The following LRRC4C variants were observed in gnomAD, a reference collection of about 807,000 sequenced individuals.
LRRC4C encodes leucine rich repeat containing 4C, also known as leucine-rich repeat-containing protein 4C.
A neutral mutation model predicts 33.6 loss-of-function variants in LRRC4C; 5 were observed. That is an observed-to-expected ratio of 0.15 (90% confidence interval 0.08 to 0.31). LRRC4C has a LOEUF of 0.31. LRRC4C is among the 10% of genes least tolerant of loss of function. The pLI is 1.00. For synonymous variants in LRRC4C, 329 were observed against 302.0 expected (o/e 1.09, Z -0.93); for missense variants, 560 against 796.7 (o/e 0.70, Z 3.58).
intron 3 of LRRC4C, among the ~76,000 whole-genome samples, chr11:40,530,487 A>T (rs528772358): frequency 6.6e-6 from 1 of 152,206 alleles, no homozygotes; most frequent in South Asian, 2.1e-4. Flanking sequence ...GCTGTATCTC[A>T]CAAGGCTAAA....
At chr11:41,355,285 A>T (rs970006987) in intron 1 of LRRC4C, among the ~76,000 whole-genome samples, 26 of 152,114 alleles carry the variant, frequency 1.7e-4, no homozygotes, top group African/African-American at 6.3e-4. Context: ...AGGGGAAAGA[A>T]AACAACTACA....
chr11:40,841,844 G>A (rs1290431794), intron 2 of LRRC4C, among the ~76,000 whole-genome samples: 1 of 152,162 alleles, frequency 6.6e-6, no homozygotes, highest in Non-Finnish European at 1.5e-5. Flanking sequence ...ACACTGATTT[G>A]GCCATGTTAG....
At chr11:40,991,754 G>T (rs61887580) in intron 1 of LRRC4C, among the ~76,000 whole-genome samples, 4,177 of 152,200 alleles carry the variant, frequency 0.027, 55 homozygotes, top group Middle Eastern at 0.044. Context: ...GATAGGGTTT[G>T]TGCTCCTTTG....
intron 1 of LRRC4C, among the ~76,000 whole-genome samples, chr11:41,403,681 G>A (rs901375743): frequency 7.2e-5 from 11 of 152,026 alleles, no homozygotes; most frequent in African/African-American, 1.4e-4. Flanking sequence ...CTGTTGCCAG[G>A]ACATATTATT....
intron 1 of LRRC4C, among the ~76,000 whole-genome samples, chr11:41,212,683 G>A (rs576891124): frequency 6.6e-6 from 1 of 152,306 alleles, no homozygotes; most frequent in African/African-American, 2.4e-5. Flanking sequence ...TGTCCCTGCA[G>A]TACTTTGCTG....
At chr11:40,670,798 C>G (rs187647368) in intron 2 of LRRC4C, among the ~76,000 whole-genome samples, 89 of 152,302 alleles carry the variant, frequency 5.8e-4, no homozygotes, top group Admixed American at 1.4e-3. Flanking sequence ...GAGCATCGCT[C>G]TGTCGCCCAG....
chr11:41,286,749 G>A (rs1238512012), intron 1 of LRRC4C, among the ~76,000 whole-genome samples: 2 of 151,700 alleles, frequency 1.3e-5, no homozygotes, highest in Non-Finnish European at 2.9e-5. Context: ...CTATTAACAG[G>A]CTAATAATTA....
At chr11:40,643,339 C>T (rs772183154) in intron 3 of LRRC4C, among the ~76,000 whole-genome samples, 11 of 152,106 alleles carry the variant, frequency 7.2e-5, no homozygotes, top group Non-Finnish European at 1.6e-4. Flanking sequence ...GCCATCAATG[C>T]CCTAATGAAT....
At chr11:40,287,258 G>C (rs1047606965) in intron 4 of LRRC4C, among the ~76,000 whole-genome samples, 27 of 25,834 alleles carry the variant, frequency 1.0e-3, no homozygotes, top group Admixed American at 3.1e-4. Flanking sequence ...GTCACTGTAT[G>C]TGTGTGTGTG....
chr11:40,687,196 T>C (rs1476154457), intron 2 of LRRC4C, among the ~76,000 whole-genome samples: 1 of 152,096 alleles, frequency 6.6e-6, no homozygotes, highest in African/African-American at 2.4e-5. Context: ...TTATATACAA[T>C]GCCCAAAGTC....
intron 3 of LRRC4C, among the ~76,000 whole-genome samples, chr11:40,498,659 T>A (rs1043576711): frequency 1.3e-5 from 2 of 152,218 alleles, no homozygotes; most frequent in African/African-American, 4.8e-5. Flanking sequence ...GTGGTGAGAA[T>A]TGACTCAGAA....
In LRRC4C at chr11:40,666,067, T is replaced by C. The variant is rs537025022; in HGVS notation, c.-406-17789A>G. On this transcript the variant is annotated intron_variant, in intron 2 of 6. Coordinates refer to ENST00000528697, the MANE Select transcript of LRRC4C (RefSeq NM_001258419.2). ...CCTGGTTTATTATGATGAGCAATGG[T>C]AAACAATTAGATGCCCTTCAATTGA... Among the ~76,000 whole-genome samples, 3 of 152,172 alleles carry C rather than the reference T, an allele frequency of 2.0e-5. No individual in the cohort carries two copies. In the South Asian group the frequency reaches 6.2e-4, roughly 32 times the overall value.
At chr11:41,327,783 T>TA (rs1258250540) in intron 1 of LRRC4C, among the ~76,000 whole-genome samples, 2 of 152,114 alleles carry the variant, frequency 1.3e-5, no homozygotes, top group Non-Finnish European at 2.9e-5. Flanking sequence ...CTGATGGTTT[T>TA]AAAAAGGGCG....
At chr11:40,529,093 T>G (rs1426631645) in intron 3 of LRRC4C, among the ~76,000 whole-genome samples, 1 of 152,162 alleles carries the variant, frequency 6.6e-6, no homozygotes, top group African/African-American at 2.4e-5. Context: ...TCAACTGTTT[T>G]ACACTGTTGA....
chr11:40,694,586 T>C (rs183957013), intron 2 of LRRC4C, among the ~76,000 whole-genome samples: 1,925 of 152,204 alleles, frequency 0.013, 14 homozygotes, highest in Middle Eastern at 0.037. Flanking sequence ...GGTGGTGCTG[T>C]TTTTCTTTTT....
intron 3 of LRRC4C, among the ~76,000 whole-genome samples, chr11:40,530,033 A>G (rs1394231554): frequency 6.6e-6 from 1 of 152,168 alleles, no homozygotes; most frequent in Non-Finnish European, 1.5e-5. Context: ...AAAGACACTT[A>G]AAGTGTGCTT....
intron 5 of LRRC4C, among the ~76,000 whole-genome samples, chr11:40,236,228 C>T (rs776364665): frequency 2.0e-5 from 3 of 152,088 alleles, no homozygotes; most frequent in Non-Finnish European, 4.4e-5. Flanking sequence ...AAAAGACAGA[C>T]GTTTTTAAGT....
intron 3 of LRRC4C, among the ~76,000 whole-genome samples, chr11:40,629,271 T>TA (rs1242224831): frequency 6.6e-6 from 1 of 152,202 alleles, no homozygotes; most frequent in African/African-American, 2.4e-5. Context: ...TTTTGGTAGC[T>TA]ATTCCCCTTT....
intron 3 of LRRC4C, among the ~76,000 whole-genome samples, chr11:40,590,509 C>T (rs908618734): frequency 2.7e-4 from 41 of 152,016 alleles, no homozygotes; most frequent in Non-Finnish European, 5.0e-4. Flanking sequence ...AGCTTTTTTC[C>T]GTTGCTGGTG....
Sources: gnomAD v4.1 joint callset for allele counts (sites outside exome capture counted in the v4.1 genomes callset) on GRCh38, gnomAD v4.1.1 for gene constraint, MANE v1.5 for transcripts, NCBI Gene and HGNC (gene_info 2026-07-23, HGNC 2026-07-21) for gene names.